The following STAM variants were observed in gnomAD, a reference collection of about 807,000 sequenced individuals.
STAM encodes signal transducing adaptor molecule.
A neutral mutation model predicts 63.4 loss-of-function variants in STAM; 16 were observed. That is an observed-to-expected ratio of 0.25 (90% confidence interval 0.17 to 0.38). The LOEUF is 0.38. Among genes scored for constraint, STAM ranks in the 10% least tolerant of loss-of-function variants. STAM has a pLI of 1.00. For synonymous variants in STAM, 238 were observed against 223.9 expected, an observed-to-expected ratio of 1.06 and a Z score of -0.56; for missense variants, 636 against 657.1, an observed-to-expected ratio of 0.97 and a Z score of 0.35.
Position 17,678,862 on chromosome 10 carries a change from A to G in STAM, c.126-5813A>G, listed in dbSNP as rs553709064. On this transcript the variant is annotated intron_variant, in intron 2 of 13. Coordinates refer to ENST00000377524, the MANE Select transcript of STAM (RefSeq NM_003473.4). ...TTTGTCTATTCTAGATACCTCATGG[A>G]AGTGGAAACATAGAATTTTTTGTGC... is the stretch of plus-strand genomic sequence containing the variant. Among the ~76,000 whole-genome samples the G allele has an allele frequency of 3.9e-5, 6 of 152,216 alleles. No individual in the cohort carries two copies. In the South Asian group the frequency reaches 1.2e-3, roughly 32 times the overall value.
intron 1 of STAM, among the ~76,000 whole-genome samples, chr10:17,653,609 GA>G (rs1833825176): frequency 6.6e-6 from 1 of 152,066 alleles, no homozygotes; most frequent in African/African-American, 2.4e-5. Context: ...ACTTGTAGAG[GA>G]AAAAATATCA....
intron 4 of STAM, 63 bp downstream of exon 4, chr10:17,684,990 T>A (rs1835236759): frequency 7.3e-7 from 1 of 1,372,226 alleles, no homozygotes; most frequent in African/African-American, 1.4e-5. Context: ...ATTTTATTGT[T>A]TAAATCTTCA....
intron 2 of STAM, among the ~76,000 whole-genome samples, chr10:17,677,328 A>T (rs2131616068): frequency 6.6e-6 from 1 of 152,324 alleles, no homozygotes; most frequent in South Asian, 2.1e-4. Flanking sequence ...CAAAATACAT[A>T]ATCAATTTTA....
At chr10:17,648,611 A>G (rs1833614309) in intron 1 of STAM, among the ~76,000 whole-genome samples, 1 of 152,140 alleles carries the variant, frequency 6.6e-6, no homozygotes, top group South Asian at 2.1e-4. Flanking sequence ...CACCAGAGGG[A>G]ACAAACTCCG....
chr10:17,649,982 C>G (rs1268932016), intron 1 of STAM, among the ~76,000 whole-genome samples: 1 of 152,280 alleles, frequency 6.6e-6, no homozygotes, highest in East Asian at 1.9e-4. Flanking sequence ...GAATCATTTC[C>G]CTGCCTCTGC....
Position 17,715,821 on chromosome 10 carries a change from A to C in STAM, c.*1041A>C, listed in dbSNP as rs1201950699. 6.6e-6 allele frequency: 1 copy of C among 152,630 alleles called. No homozygotes were observed. The highest frequency in any genetic ancestry group is 2.4e-5 in the African/African-American group (1 of 41,464). The allele number at this position is 152,630 out of a possible 1,614,324, so 9.5% of individuals were successfully genotyped here. A position where few individuals can be genotyped will look rare whatever the true frequency, so the allele number is the denominator to read the frequency against. ...TCAACAAAATTTGATTCGTCTGTCT[A>C]ATCCCTTGCTAGTATTTTAAATATG... On this transcript the variant is annotated 3_prime_UTR_variant, in exon 14 of 14. Coordinates refer to ENST00000377524, the MANE Select transcript of STAM (RefSeq NM_003473.4).
At chr10:17,666,506 C>T (rs1233129952) in intron 2 of STAM, among the ~76,000 whole-genome samples, 16 of 151,582 alleles carry the variant, frequency 1.1e-4, no homozygotes, top group East Asian at 3.9e-4. Context: ...CCCATTCTCC[C>T]GCCTCAGCCT....
chr10:17,715,113 T>C lies in STAM; in HGVS notation c.*333T>C. 3.3e-6 allele frequency: 1 copy of C among 306,550 alleles called. No individual in the cohort carries two copies. Among genetic ancestry groups the C allele is most frequent in the South Asian group, 3.8e-5 (1 of 26,666 alleles). The allele number at this position is 306,550 out of a possible 1,614,324, so 19.0% of individuals were successfully genotyped here. On this transcript the variant is annotated 3_prime_UTR_variant, in exon 14 of 14. Transcript: ENST00000377524. Reference sequence around the variant, plus strand: ...TTGTGACAAATGTTATGTACATATATTGATATGTAACTGCATTAGTGGCCA... The same window carrying C: ...TTGTGACAAATGTTATGTACATATACTGATATGTAACTGCATTAGTGGCCA...
intron 1 of STAM, among the ~76,000 whole-genome samples, chr10:17,651,850 C>G (rs1833754000): frequency 6.6e-6 from 1 of 152,236 alleles, no homozygotes; most frequent in Non-Finnish European, 1.5e-5. Context: ...CCTTTCCTCA[C>G]CACCTAAATG....
chr10:17,704,910 A>G, intron 10 of STAM, 60 bp from the exon 11 acceptor site: 2 of 1,348,326 alleles, frequency 1.5e-6, no homozygotes, highest in Non-Finnish European at 2.1e-6. Flanking sequence ...AATATCTATC[A>G]AAGGTTCACA....
At chr10:17,697,637 A>G (rs1554827762) in intron 8 of STAM, among the ~76,000 whole-genome samples, 5 of 152,242 alleles carry the variant, frequency 3.3e-5, no homozygotes, top group Non-Finnish European at 1.5e-5. Flanking sequence ...ACAGTTTACT[A>G]TATTTCTACA....
intron 2 of STAM, among the ~76,000 whole-genome samples, chr10:17,672,214 C>T (rs1440677755): frequency 6.6e-6 from 1 of 152,114 alleles, no homozygotes; most frequent in African/African-American, 2.4e-5. Context: ...CTATAGATCT[C>T]TCATAACTGT....
rs1554827276 is a variant in STAM, at chr10:17,695,029, A to T, written c.536-20A>T. The T allele has an allele frequency of 6.2e-7, 1 of 1,608,606 alleles. No individual in the cohort carries two copies. The highest frequency in any genetic ancestry group is 8.5e-7 in the Non-Finnish European group (1 of 1,177,622). On this transcript the variant is annotated intron_variant, in intron 6 of 13. Transcript: ENST00000377524. ...GGATATAATAACATTTTGGGTCTTT[A>T]AAAACTCATTGTTTTCTAGCCATTG...
chr10:17,668,885 C>G (rs547026317), intron 2 of STAM, among the ~76,000 whole-genome samples: 2 of 152,298 alleles, frequency 1.3e-5, no homozygotes, highest in South Asian at 4.1e-4. Context: ...TGTTGGCTCC[C>G]AGTTTTGGTG....
At chr10:17,700,047 G>T (rs112656564) in intron 8 of STAM, 144 bp from the exon 9 acceptor site, 160 of 529,350 alleles carry the variant, frequency 3.0e-4, no homozygotes, top group African/African-American at 2.8e-3. Flanking sequence ...GCCAAAATCT[G>T]CAACTCAGTT....
At chr10:17,702,736 G>A (rs1055351665) in intron 9 of STAM, among the ~76,000 whole-genome samples, 7 of 152,278 alleles carry the variant, frequency 4.6e-5, no homozygotes, top group African/African-American at 7.2e-5. Flanking sequence ...CTGGCCAGGC[G>A]CAGTGGCTCT....
At chr10:17,710,502 G>A (rs782035779) in intron 13 of STAM, among the ~76,000 whole-genome samples, 4 of 152,158 alleles carry the variant, frequency 2.6e-5, no homozygotes, top group Admixed American at 1.3e-4. Context: ...TAGCCCTCTC[G>A]TCCTGGCTCA....
At chr10:17,657,031 T>C (rs1833966969) in intron 1 of STAM, among the ~76,000 whole-genome samples, 2 of 152,154 alleles carry the variant, frequency 1.3e-5, no homozygotes, top group African/African-American at 4.8e-5. Flanking sequence ...TTTAGAAAGT[T>C]GTATGCATGC....
intron 1 of STAM, among the ~76,000 whole-genome samples, chr10:17,654,054 A>G (rs1554821865): frequency 6.6e-6 from 1 of 152,136 alleles, no homozygotes; most frequent in East Asian, 1.9e-4. Flanking sequence ...TTTGAAGTGA[A>G]GGGAGTCTTA....
Sources: gnomAD v4.1 joint callset for allele counts (sites outside exome capture counted in the v4.1 genomes callset) on GRCh38, gnomAD v4.1.1 for gene constraint, MANE v1.5 for transcripts, NCBI Gene and HGNC (gene_info 2026-07-23, HGNC 2026-07-21) for gene names.